The following ASAP1 variants were observed in gnomAD, a reference collection of about 807,000 sequenced individuals.
ASAP1 encodes the protein ArfGAP with SH3 domain, ankyrin repeat and PH domain 1, also known as arf-GAP with SH3 domain, ANK repeat and PH domain-containing protein 1.
ASAP1 carries 43 observed loss-of-function variants against 145.2 expected under a neutral mutation model. The observed-to-expected ratio is 0.30, with a 90% CI of 0.23 to 0.38. ASAP1 has a LOEUF of 0.38. Ranked by LOEUF, ASAP1 falls within the 10% of genes least tolerant of loss-of-function variation. The pLI is 1.00. For synonymous variants in ASAP1, 546 were observed against 515.5 expected, an observed-to-expected ratio of 1.06 and a Z score of -0.80; for missense variants, 1,018 against 1,355.3, an observed-to-expected ratio of 0.75 and a Z score of 3.91.
chr8:130,352,740 G>A (rs1202796825), intron 3 of ASAP1, among the ~76,000 whole-genome samples: 4 of 152,216 alleles, frequency 2.6e-5, no homozygotes, highest in Non-Finnish European at 4.4e-5. Flanking sequence ...GTGAAAAAAG[G>A]TATTAAATAA....
intron 2 of ASAP1, among the ~76,000 whole-genome samples, chr8:130,376,376 T>G (rs1426063024): frequency 6.6e-6 from 1 of 152,188 alleles, no homozygotes; most frequent in Non-Finnish European, 1.5e-5. Context: ...TCTCAGTAAT[T>G]GTGGCTGTAT....
At position 130,152,730 on chromosome 8, in the gene ASAP1, A is replaced by G; in HGVS notation, c.1080+6T>C. The G allele has an allele frequency of 6.2e-7, 1 of 1,607,124 alleles. No homozygotes were observed. Among genetic ancestry groups the G allele is most frequent in the Non-Finnish European group, 8.5e-7 (1 of 1,174,640 alleles). ...TGAGGCAGGGTAAATTAAGAAACATACTTACTGTGGCATGTGAGATGGTCA... is the reference window on the plus strand; with the variant it reads ...TGAGGCAGGGTAAATTAAGAAACATGCTTACTGTGGCATGTGAGATGGTCA... On this transcript the variant is annotated splice_donor_region_variant and intron_variant, in intron 13 of 29. Coordinates refer to ENST00000518721, the MANE Select transcript of ASAP1 (RefSeq NM_018482.4).
Position 130,118,480 on chromosome 8 carries a change from A to G in ASAP1, c.1794+9T>C. ...TACTTTTTATCCAATGATTTTAGTG[A>G]GGCCTTACCTGCCCAGGTTCCAGCA... On this transcript the variant is annotated intron_variant, in intron 19 of 29. Coordinates refer to ENST00000518721, the MANE Select transcript of ASAP1 (RefSeq NM_018482.4). 6.3e-7 allele frequency: 1 copy of G among 1,585,710 alleles called. No homozygotes were observed. Among genetic ancestry groups the G allele is most frequent in the Non-Finnish European group, 8.6e-7 (1 of 1,165,380 alleles).
At chr8:130,202,624 G>A (rs1397920130) in intron 5 of ASAP1, among the ~76,000 whole-genome samples, 1 of 152,106 alleles carries the variant, frequency 6.6e-6, no homozygotes, top group South Asian at 2.1e-4. Flanking sequence ...AGAGAACAGC[G>A]TTTCATGAAT....
chr8:130,279,192 C>T (rs1232132998), intron 3 of ASAP1, among the ~76,000 whole-genome samples: 2 of 152,144 alleles, frequency 1.3e-5, no homozygotes, highest in African/African-American at 4.8e-5. Flanking sequence ...AATCCTACAC[C>T]TTCCTCTGAA....
chr8:130,066,124 T>G (rs1264008856), intron 27 of ASAP1, among the ~76,000 whole-genome samples: 1 of 152,210 alleles, frequency 6.6e-6, no homozygotes, highest in East Asian at 1.9e-4. Context: ...AGCTTCATTA[T>G]AGATTAGTAA....
chr8:130,385,827 G>A (rs1182956705), intron 2 of ASAP1, among the ~76,000 whole-genome samples: 3 of 152,256 alleles, frequency 2.0e-5, no homozygotes, highest in South Asian at 2.1e-4. Context: ...TTTACTTCCC[G>A]AGCACCCAGT....
intron 3 of ASAP1, among the ~76,000 whole-genome samples, chr8:130,311,836 A>G (rs1823373036): frequency 1.3e-5 from 2 of 151,640 alleles, no homozygotes; most frequent in South Asian, 4.2e-4. Flanking sequence ...AGGCTAAATA[A>G]TAATAGTATG....
chr8:130,077,659 C>T (rs1432257878), intron 26 of ASAP1, among the ~76,000 whole-genome samples: 1 of 149,060 alleles, frequency 6.7e-6, no homozygotes, highest in Non-Finnish European at 1.5e-5. Context: ...GATTCTTGTG[C>T]CTCAGCTAAC....
In ASAP1 at chr8:130,134,313, A is replaced by G; in HGVS notation, c.1200T>C (p.Asp400=). Residue 400 remains aspartate, a synonymous_variant, in exon 15 of 30, where the codon GAT becomes GAC. Transcript: ENST00000518721. ...CTACTTACGCTACATAATCCTGCTC[A>G]TCTTCTGCCTGAAAGTGATATGTTC... ...HNRTYHFQAE[D]EQDYVAWISV... 1.3e-6 allele frequency: 2 copies of G among 1,587,954 alleles called. No homozygotes were observed. Among genetic ancestry groups the G allele is most frequent in the Non-Finnish European group, 8.6e-7 (1 of 1,167,390 alleles).
At chr8:130,399,963 G>A (rs532383469) in intron 2 of ASAP1, among the ~76,000 whole-genome samples, 56 of 152,234 alleles carry the variant, frequency 3.7e-4, no homozygotes, top group Admixed American at 2.7e-3. Flanking sequence ...GGGATTACAG[G>A]CATGTGCCAC....
chr8:130,058,162 G>A, intron 28 of ASAP1, 86 bp from the exon 29 acceptor site: 2 of 1,487,844 alleles, frequency 1.3e-6, no homozygotes, highest in Non-Finnish European at 1.9e-6. Context: ...GGTTGACCTT[G>A]GCCAGTAACT....
At position 130,316,144 on chromosome 8, in the gene ASAP1, A is replaced by T. The variant is rs375634619; in HGVS notation, c.186+41873T>A. 4.6e-5 allele frequency among the ~76,000 whole-genome samples: 7 copies of T among 152,188 alleles called. No individual in the cohort carries two copies. In the East Asian group the frequency reaches 9.6e-4, roughly 21 times the overall value. ...TTTCTACTGTCTGTTCCCATCCACA[A>T]GTTCACCTGTGACCACTATTATGCC... On this transcript the variant is annotated intron_variant, in intron 3 of 29. Coordinates refer to ENST00000518721, the MANE Select transcript of ASAP1 (RefSeq NM_018482.4).
At chr8:130,320,415 T>C (rs1212507714) in intron 3 of ASAP1, among the ~76,000 whole-genome samples, 1 of 151,968 alleles carries the variant, frequency 6.6e-6, no homozygotes, top group Non-Finnish European at 1.5e-5. Flanking sequence ...AATTAGCTGG[T>C]GTGGTGGTAC....
intron 1 of ASAP1, among the ~76,000 whole-genome samples, chr8:130,440,743 T>C (rs1024086840): frequency 1.3e-5 from 2 of 152,170 alleles, no homozygotes. Context: ...ATAGTCAACT[T>C]TGCACATTCC....
chr8:130,130,900 T>A (rs1163922173), intron 15 of ASAP1, among the ~76,000 whole-genome samples: 2 of 151,796 alleles, frequency 1.3e-5, no homozygotes, highest in African/African-American at 4.8e-5. Context: ...CTCACGCCTG[T>A]AAGCCCAGCA....
intron 24 of ASAP1, among the ~76,000 whole-genome samples, chr8:130,106,917 T>C (rs1320070360): frequency 1.3e-5 from 2 of 152,186 alleles, no homozygotes; most frequent in African/African-American, 2.4e-5. Context: ...ACTTCTTCCT[T>C]CTTCTTTACA....
intron 2 of ASAP1, among the ~76,000 whole-genome samples, chr8:130,390,693 G>T (rs1001376712): frequency 1.3e-5 from 2 of 152,322 alleles, no homozygotes; most frequent in East Asian, 3.9e-4. Context: ...GCTGAAAATG[G>T]AATGTCCTCG....
intron 15 of ASAP1, among the ~76,000 whole-genome samples, chr8:130,133,744 T>C (rs994648592): frequency 6.6e-6 from 1 of 152,128 alleles, no homozygotes; most frequent in Admixed American, 6.5e-5. Flanking sequence ...CCTGTTCCTT[T>C]CCACTATATC....
Sources: gnomAD v4.1 joint callset for allele counts (sites outside exome capture counted in the v4.1 genomes callset) on GRCh38, gnomAD v4.1.1 for gene constraint, MANE v1.5 for transcripts, NCBI Gene and HGNC (gene_info 2026-07-23, HGNC 2026-07-21) for gene names.